P2RX5: variants seen among roughly 807,000 people sequenced by gnomAD.
P2RX5 encodes P2X purinoceptor 5.
A neutral mutation model predicts 54.1 loss-of-function variants in P2RX5; 46 were observed. The ratio of observed to expected loss-of-function variants is 0.85; its 90% CI spans 0.67 to 1.09. The LOEUF is 1.09. Among genes scored for constraint, P2RX5 ranks in the 50% least tolerant of loss-of-function variants. The probability of loss-of-function intolerance (pLI) is 0.00; values close to 1 mark genes in which losing one functional copy is unlikely to be tolerated. For missense variants in P2RX5, 566 were observed against 549.8 expected, an observed-to-expected ratio of 1.03 and a Z score of -0.29; for synonymous variants, 226 against 226.4, an observed-to-expected ratio of 1.00 and a Z score of 0.02.
chr17:3,682,066 G>T, intron 9 of P2RX5, 88 bp from the exon 10 acceptor site: 1 of 866,340 alleles, frequency 1.2e-6, no homozygotes, highest in Non-Finnish European at 1.9e-6. Context: ...TCCTGCAACA[G>T]CCCCTAAAGG....
At chr17:3,711,368 T>G in the P2RX5 span, among the ~76,000 whole-genome samples, 3 of 125,908 alleles carry the variant, frequency 2.4e-5, no homozygotes, top group Admixed American at 2.6e-4. Flanking sequence ...CCAGCACTCA[T>G]TCTTTTTTTT....
intron 9 of P2RX5, among the ~76,000 whole-genome samples, chr17:3,685,770 A>G (rs865930816): frequency 6.9e-4 from 7 of 10,168 alleles, no homozygotes; most frequent in African/African-American, 1.1e-3. Context: ...GACCCTCCCA[A>G]CGTCCCCCGC....
the P2RX5 span, chr17:3,714,786 AGGATGCTG>A: frequency 1.1e-6 from 1 of 908,738 alleles, no homozygotes; most frequent in Non-Finnish European, 1.8e-6. Flanking sequence ...AGTAATGCAA[AGGATGCTG>A]GGTCTCCAAG....
the P2RX5 span, among the ~76,000 whole-genome samples, chr17:3,711,157 A>G: frequency 2.0e-5 from 3 of 152,124 alleles, no homozygotes; most frequent in African/African-American, 7.2e-5. Context: ...CCGGCTGGGA[A>G]AGTACCCCAT....
chr17:3,690,800 A>T (rs1029852650), intron 3 of P2RX5, 120 bp from the exon 4 acceptor site: 1 of 1,188,376 alleles, frequency 8.4e-7, no homozygotes, highest in Non-Finnish European at 1.2e-6. Flanking sequence ...CTGAGAACCT[A>T]CTTCTCCCCC....
intron 11 of P2RX5, chr17:3,675,349 T>A: frequency 1.0e-6 from 1 of 984,840 alleles, no homozygotes; most frequent in Non-Finnish European, 1.2e-6. Context: ...TAGGAAGACA[T>A]TTTTGTTGCA....
upstream of P2RX5, chr17:3,696,287 T>G: frequency 4.2e-6 from 1 of 239,312 alleles, no homozygotes; most frequent in Non-Finnish European, 7.9e-6. Context: ...CTCCTCCTCC[T>G]CCCCTGACAC....
chr17:3,701,549 C>T, the P2RX5 span, among the ~76,000 whole-genome samples: 3,254 of 151,820 alleles, frequency 0.021, 50 homozygotes, highest in Non-Finnish European at 0.032. Context: ...AAAATTAGCC[C>T]GTCATGGTGG....
upstream of P2RX5, among the ~76,000 whole-genome samples, chr17:3,699,052 G>C (rs13341819): frequency 8.6e-4 from 35 of 40,888 alleles, 1 homozygote; most frequent in Middle Eastern, 0.053. Flanking sequence ...TATATAGACA[G>C]ACACACACAC....
upstream of P2RX5, among the ~76,000 whole-genome samples, chr17:3,698,152 A>C (rs2050792226): frequency 6.6e-6 from 1 of 151,740 alleles, no homozygotes; most frequent in Non-Finnish European, 1.5e-5. Context: ...CCTCCTCCTC[A>C]GCCCCCTGCT....
rs2050579107 is a variant in P2RX5, at chr17:3,690,417, A to G, written c.533+10T>C. ...AAACCCCTCAGGGTCCTGAGGCTGC[A>G]GCCACTCACTCCGGCCTGGAGCTTG... On this transcript the variant is annotated intron_variant, in intron 5 of 11. Coordinates refer to ENST00000225328, the MANE Select transcript of P2RX5 (RefSeq NM_002561.4). 3 of 1,600,578 alleles carry G rather than the reference A, an allele frequency of 1.9e-6. No homozygotes were observed. The highest frequency in any genetic ancestry group is 2.6e-6 in the Non-Finnish European group (3 of 1,171,748).
chr17:3,673,749 G>A lies in P2RX5; in HGVS notation c.*119C>T. The stretch of plus-strand genomic sequence containing the variant: ...TGGCTGGTCCCTGTGATGTGGCATT[G>A]ATAGCACCCAATGTACAAATTTCCC... On this transcript the variant is annotated 3_prime_UTR_variant, in exon 12 of 12. Coordinates refer to ENST00000225328, the MANE Select transcript of P2RX5 (RefSeq NM_002561.4). 1.2e-6 allele frequency: 2 copies of A among 1,609,048 alleles called. 1 individual carries two copies. The highest frequency in any genetic ancestry group is 1.7e-6 in the Non-Finnish European group (2 of 1,178,660).
intron 11 of P2RX5, among the ~76,000 whole-genome samples, chr17:3,678,435 C>G (rs150851): frequency 0.43 from 64,983 of 152,168 alleles, 14,541 homozygotes; most frequent in Non-Finnish European, 0.49. Flanking sequence ...CAAGCCAGGC[C>G]GTCGGGCTTC....
the P2RX5 span, among the ~76,000 whole-genome samples, chr17:3,701,925 G>A: frequency 6.6e-6 from 1 of 151,538 alleles, no homozygotes; most frequent in Non-Finnish European, 1.5e-5. Flanking sequence ...CCGGCGGTGA[G>A]TAATTTTTTT....
upstream of P2RX5, among the ~76,000 whole-genome samples, chr17:3,698,343 C>A (rs79672084): frequency 6.6e-6 from 1 of 152,284 alleles, no homozygotes; most frequent in East Asian, 1.9e-4. Flanking sequence ...CCATCAACCC[C>A]AGCACAGGAC....
At chr17:3,704,677 A>G in the P2RX5 span, among the ~76,000 whole-genome samples, 1 of 152,224 alleles carries the variant, frequency 6.6e-6, no homozygotes, top group Admixed American at 6.5e-5. Flanking sequence ...TTGAAAGAGT[A>G]AAGAGCCAAA....
chr17:3,705,880 T>C, the P2RX5 span, among the ~76,000 whole-genome samples: 2 of 151,714 alleles, frequency 1.3e-5, no homozygotes, highest in Admixed American at 6.6e-5. Context: ...ACTGCAGCCT[T>C]GACCTCCTTG....
chr17:3,704,071 C>T, the P2RX5 span, among the ~76,000 whole-genome samples: 2 of 151,766 alleles, frequency 1.3e-5, no homozygotes, highest in African/African-American at 4.8e-5. Context: ...CATTGCACTC[C>T]AGCCTCGGCA....
Position 3,673,462 on chromosome 17 carries a change from A to G in P2RX5, c.*406T>C, listed in dbSNP as rs929549058. 2 of 1,110,950 alleles carry G rather than the reference A, an allele frequency of 1.8e-6. No homozygotes were observed. Among genetic ancestry groups the G allele is most frequent in the East Asian group, 6.4e-5 (1 of 15,680 alleles). The allele number at this position is 1,110,950 out of a possible 1,614,324, so 68.8% of individuals were successfully genotyped here. A position where few individuals can be genotyped will look rare whatever the true frequency, so the allele number is the denominator to read the frequency against. On this transcript the variant is annotated 3_prime_UTR_variant, in exon 12 of 12. Coordinates refer to ENST00000225328, the MANE Select transcript of P2RX5 (RefSeq NM_002561.4). Reference sequence around the variant, plus strand: ...TGCAGAGGGGAGTGGGCTGGAACCAAATGGAGCCCTTTTCCGGACACGCAC... The same window carrying G: ...TGCAGAGGGGAGTGGGCTGGAACCAGATGGAGCCCTTTTCCGGACACGCAC...
Sources: gnomAD v4.1 joint callset for allele counts (sites outside exome capture counted in the v4.1 genomes callset) on GRCh38, gnomAD v4.1.1 for gene constraint, MANE v1.5 for transcripts, NCBI Gene and HGNC (gene_info 2026-07-23, HGNC 2026-07-21) for gene names.